Variants in CIITA observed in about 807,000 individuals in gnomAD.
CIITA encodes the protein class II major histocompatibility complex transactivator.
A neutral mutation model predicts 115.1 loss-of-function variants in CIITA; 72 were observed. The observed-to-expected ratio is 0.63, with a 90% confidence interval of 0.52 to 0.76. The LOEUF is 0.76. Ranked by LOEUF, CIITA falls within the 30% of genes least tolerant of loss-of-function variation. The pLI is 0.00. For missense variants in CIITA, 1,617 were observed against 1,463.8 expected, an observed-to-expected ratio of 1.10 and a Z score of -1.71; for synonymous variants, 763 against 635.6, an observed-to-expected ratio of 1.20 and a Z score of -3.02.
rs1008186779 is a variant in CIITA at position 10,879,965 on chromosome 16, T to G, written c.52+2583T>G. On this transcript the variant is annotated intron_variant, in intron 1 of 19. Coordinates refer to ENST00000324288, the MANE Select transcript of CIITA (RefSeq NM_000246.4). The surrounding 1 kb of genome is among the most constrained non-coding windows in gnomAD (Gnocchi z 4.3). ...CTCCCTCCCCAGCCGCAGCCTGGAGTGTCTAACTTTGGCAGGAAGTCTTCC... is the reference window on the plus strand; with the variant it reads ...CTCCCTCCCCAGCCGCAGCCTGGAGGGTCTAACTTTGGCAGGAAGTCTTCC... Among the ~76,000 whole-genome samples the G allele has an allele frequency of 6.6e-6, 1 of 151,998 alleles. No homozygotes were observed. The highest frequency in any genetic ancestry group is 2.4e-5 in the African/African-American group (1 of 41,384).
Position 10,934,384 on chromosome 16 carries a change from C to G in CIITA, c.*10529C>G, listed in dbSNP as rs1287397269. 6.6e-6 allele frequency: 1 copy of G among 152,266 alleles called. No individual in the cohort carries two copies. The highest frequency in any genetic ancestry group is 2.4e-5 in the African/African-American group (1 of 41,466). 9.4% of individuals were successfully genotyped at this position (152,266 alleles called of 1,614,324 possible). ...ATGAAAATGGAACCAGGAAGTCTAG[C>G]TTGATACCCTTGGCCTGTATAACTG... On this transcript the variant is annotated 3_prime_UTR_variant, in exon 20 of 20. Coordinates refer to ENST00000324288, the MANE Select transcript of CIITA (RefSeq NM_000246.4). This position sits in a 1 kb window ranked among gnomAD's most constrained non-coding sequence, Gnocchi z 4.2.
chr16:10,886,940 A>G (rs1046828174), intron 1 of CIITA, among the ~76,000 whole-genome samples: 1 of 152,208 alleles, frequency 6.6e-6, no homozygotes, highest in Non-Finnish European at 1.5e-5. Context: ...CCTCTTTGGC[A>G]GGGACTGTGT....
chr16:10,915,745 T>G, intron 14 of CIITA, 95 bp downstream of exon 14: 1 of 1,093,794 alleles, frequency 9.1e-7, no homozygotes, highest in East Asian at 2.4e-5. Flanking sequence ...CCTCAAGTAG[T>G]CCTCCTGCCT....
At chr16:10,889,029 C>T (rs530778202) in intron 1 of CIITA, among the ~76,000 whole-genome samples, 99 of 152,312 alleles carry the variant, frequency 6.5e-4, no homozygotes, top group African/African-American at 2.3e-3. Context: ...ACTTGCTGGA[C>T]ACTGTGAATT....
At chr16:10,910,353 A>ATTCAG in intron 13 of CIITA, 94 bp downstream of exon 13, 2 of 1,080,060 alleles carry the variant, frequency 1.9e-6, no homozygotes, top group Non-Finnish European at 2.8e-6. Flanking sequence ...ATAGATCTCC[A>ATTCAG]GAATCATTCT....
At position 10,928,086 on chromosome 16, in the gene CIITA, A is replaced by C. The variant is rs2040607775; in HGVS notation, c.*4231A>C. 6.6e-6 allele frequency: 1 copy of C among 152,104 alleles called. No homozygotes were observed. Among genetic ancestry groups the C allele is most frequent in the East Asian group, 1.9e-4 (1 of 5,186 alleles). 9.4% of individuals were successfully genotyped at this position (152,104 alleles called of 1,614,324 possible). A position where few individuals can be genotyped will look rare whatever the true frequency, so the allele number is the denominator to read the frequency against. On this transcript the variant is annotated 3_prime_UTR_variant, in exon 20 of 20. Transcript: ENST00000324288. The stretch of plus-strand genomic sequence containing the variant: ...ATTTCGTAGCTTTTCTTTCTTTAGC[A>C]TCACTTGAGGGCAAGTGGTGCTCCA...
chr16:10,901,396 C>A lies in CIITA; in HGVS notation c.437-118C>A. ...GTTAGAGCGAGGGGAGGAAAATGGA[C>A]CCCCAAGACCACTACCCAGCCTTGA... On this transcript the variant is annotated intron_variant, in intron 5 of 19. Transcript: ENST00000324288. The surrounding 1 kb of genome is among the most constrained non-coding windows in gnomAD (Gnocchi z 6.8). 1 of 1,062,050 alleles carries A rather than the reference C, an allele frequency of 9.4e-7. No individual in the cohort carries two copies. The highest frequency in any genetic ancestry group is 2.5e-5 in the East Asian group (1 of 39,716). 65.8% of individuals were successfully genotyped at this position (1,062,050 alleles called of 1,614,324 possible). A position where few individuals can be genotyped will look rare whatever the true frequency, so the allele number is the denominator to read the frequency against.
chr16:10,900,611 A>AGG (rs1567401865), intron 5 of CIITA, among the ~76,000 whole-genome samples: 56 of 152,116 alleles, frequency 3.7e-4, no homozygotes, highest in Non-Finnish European at 6.5e-4. Flanking sequence ...GTGGTGGCGA[A>AGG]CACCTGTAAT....
chr16:10,892,113 C>T (rs902880935), intron 1 of CIITA, among the ~76,000 whole-genome samples: 2 of 152,022 alleles, frequency 1.3e-5, no homozygotes, highest in African/African-American at 4.8e-5. Context: ...CACCTGAGGT[C>T]GGGAGTTCGA....
In CIITA at chr16:10,929,926, G is replaced by C. The variant is rs938824889; in HGVS notation, c.*6071G>C. 24 of 152,400 alleles carry C rather than the reference G, an allele frequency of 1.6e-4. No individual in the cohort carries two copies. Among genetic ancestry groups the C allele is most frequent in the African/African-American group, 5.3e-4 (22 of 41,548 alleles). 9.4% of individuals were successfully genotyped at this position (152,400 alleles called of 1,614,324 possible). ...AGGGCTGACTTGCAGCTCTGGGCCA[G>C]CTGAGCCAGCGCTGGGTAGTGGGCA... On this transcript the variant is annotated 3_prime_UTR_variant, in exon 20 of 20. Coordinates refer to ENST00000324288, the MANE Select transcript of CIITA (RefSeq NM_000246.4). This position sits in a 1 kb window ranked among gnomAD's most constrained non-coding sequence, Gnocchi z 4.3.
rs932747802 is a variant in CIITA, at chr16:10,920,803, C to T, written c.3150-1364C>T. 1.3e-5 allele frequency among the ~76,000 whole-genome samples: 2 copies of T among 152,194 alleles called. No homozygotes were observed. Among genetic ancestry groups the T allele is most frequent in the African/African-American group, 4.8e-5 (2 of 41,440 alleles). On this transcript the variant is annotated intron_variant, in intron 16 of 19. Transcript: ENST00000324288. The surrounding 1 kb of genome is among the most constrained non-coding windows in gnomAD (Gnocchi z 4.5). ...CCCCCATCTAGTTTCTGCACTGGTACCGGCCGACCCGTGATGTGAGTTGAT... is the reference window on the plus strand; with the variant it reads ...CCCCCATCTAGTTTCTGCACTGGTATCGGCCGACCCGTGATGTGAGTTGAT...
chr16:10,876,463 T>C (rs866306129), upstream of CIITA, among the ~76,000 whole-genome samples: 1 of 152,246 alleles, frequency 6.6e-6, no homozygotes, highest in African/African-American at 2.4e-5. Flanking sequence ...GCTAGAGAGC[T>C]GCTTTCTATA....
At chr16:10,905,938 G>A (rs533207336) in intron 10 of CIITA, among the ~76,000 whole-genome samples, 1 of 152,102 alleles carries the variant, frequency 6.6e-6, no homozygotes, top group South Asian at 2.1e-4. Context: ...TGTAATCCCA[G>A]CACTTTGGGA....
At chr16:10,914,096 CT>C (rs879875165) in intron 13 of CIITA, among the ~76,000 whole-genome samples, 30 of 152,300 alleles carry the variant, frequency 2.0e-4, no homozygotes, top group Middle Eastern at 3.4e-3. Context: ...ATCTTCCCCC[CT>C]GGAATGTCAG....
intron 10 of CIITA, among the ~76,000 whole-genome samples, chr16:10,905,779 A>G (rs1181594594): frequency 1.3e-5 from 2 of 151,896 alleles, no homozygotes; most frequent in Non-Finnish European, 2.9e-5. Context: ...AAAAGAGAGA[A>G]AAGGTCTAAA....
intron 1 of CIITA, among the ~76,000 whole-genome samples, chr16:10,886,185 G>T (rs188956036): frequency 6.6e-6 from 1 of 151,332 alleles, no homozygotes; most frequent in African/African-American, 2.4e-5. Context: ...TGATCCACCC[G>T]CCTCGGCCTC....
rs1450870899 is a variant in CIITA, at chr16:10,893,864, CAG to C, written c.53-1413_53-1412del. Reference sequence around the variant, plus strand: ...AGTTCAGTGTTCTTTTGGGAATACTCAGAGAGTTGTGTGACCATCTCCCATCC... The same window carrying C: ...AGTTCAGTGTTCTTTTGGGAATACTCAGAGTTGTGTGACCATCTCCCATCC... On this transcript the variant is annotated intron_variant, in intron 1 of 19. Coordinates refer to ENST00000324288, the MANE Select transcript of CIITA (RefSeq NM_000246.4). Among the ~76,000 whole-genome samples, 18 of 135,150 alleles carry C rather than the reference CAG, an allele frequency of 1.3e-4. 2 individuals are homozygous for C. The South Asian group carries it at 1.5e-3, about 11-fold the overall frequency. The allele number at this position is 135,150 out of a possible 152,430, so 88.7% of individuals were successfully genotyped here.
chr16:10,918,354 C>G, intron 15 of CIITA, 86 bp from the exon 16 acceptor site: 3 of 1,191,850 alleles, frequency 2.5e-6, no homozygotes, highest in Non-Finnish European at 2.5e-6. Context: ...GCGCCATTCA[C>G]AGCCTATGAC....
intron 16 of CIITA, among the ~76,000 whole-genome samples, chr16:10,919,156 A>T (rs2040131310): frequency 6.6e-6 from 1 of 152,130 alleles, no homozygotes; most frequent in African/African-American, 2.4e-5. Flanking sequence ...CCCAGGAAAG[A>T]TGGCATTTGG....
Sources: allele counts gnomAD v4.1 joint callset (sites outside exome capture counted in the v4.1 genomes callset), GRCh38; gene constraint gnomAD v4.1.1; non-coding constraint Gnocchi (gnomAD v3.1); transcripts MANE v1.5; gene names NCBI Gene and HGNC (gene_info 2026-07-23, HGNC 2026-07-21).